The following NCR2 variants were observed in gnomAD, a reference collection of about 807,000 sequenced individuals.
The protein encoded by NCR2 is natural cytotoxicity triggering receptor 2.
A neutral mutation model predicts 30.7 loss-of-function variants in NCR2; 35 were observed. The observed-to-expected ratio is 1.14, with a 90% CI of 0.87 to 1.51. The LOEUF (loss-of-function observed/expected upper bound fraction) is 1.51. NCR2 is among the 40% of genes most tolerant of loss of function. The probability of loss-of-function intolerance (pLI) is 0.00; values close to 1 mark genes in which losing one functional copy is unlikely to be tolerated. For missense variants in NCR2, 316 were observed against 328.9 expected, an observed-to-expected ratio of 0.96 and a Z score of 0.30; for synonymous variants, 146 against 134.8, an observed-to-expected ratio of 1.08 and a Z score of -0.58.
intron 4 of NCR2, chr6:41,343,174 C>A: frequency 1.4e-6 from 1 of 699,454 alleles, no homozygotes; most frequent in Non-Finnish European, 2.4e-6. Context: ...AGGCCCTCTA[C>A]TTGCTCACCC....
chr6:41,350,641 C>A, intron 4 of NCR2, 37 bp from the exon 5 acceptor site: 1 of 1,588,662 alleles, frequency 6.3e-7, no homozygotes, highest in South Asian at 1.1e-5. Context: ...ATGTGGCAGT[C>A]TCTGACCACC....
At chr6:41,342,849 G>A in intron 4 of NCR2, 1 of 1,401,416 alleles carries the variant, frequency 7.1e-7, no homozygotes. Context: ...GGAGGGGCAG[G>A]CTTGGGGAAA....
intron 2 of NCR2, 80 bp from the exon 3 acceptor site, chr6:41,341,714 C>T (rs923494148): frequency 4.0e-5 from 60 of 1,506,676 alleles, no homozygotes; most frequent in Non-Finnish European, 5.0e-5. Context: ...TCTGGTCCAA[C>T]TCCCCCATCC....
At chr6:41,347,453 T>C (rs1769329229) in intron 4 of NCR2, among the ~76,000 whole-genome samples, 1 of 152,176 alleles carries the variant, frequency 6.6e-6, no homozygotes, top group Admixed American at 6.5e-5. Context: ...GCCACTCCAG[T>C]CAGGCCTTTG....
chr6:41,341,771 A>G (rs1243915584), intron 2 of NCR2, 23 bp from the exon 3 acceptor site: 1 of 1,598,564 alleles, frequency 6.3e-7, no homozygotes, highest in Admixed American at 1.7e-5. Context: ...CTCACTAACC[A>G]CGCTCTTTCT....
chr6:41,348,342 G>C (rs1467619092), intron 4 of NCR2, among the ~76,000 whole-genome samples: 3 of 152,060 alleles, frequency 2.0e-5, no homozygotes, highest in Admixed American at 2.0e-4. Context: ...ACAATTCTCA[G>C]TATGAAGACC....
intron 3 of NCR2, 53 bp from the exon 4 acceptor site, chr6:41,341,983 G>A: frequency 1.2e-6 from 2 of 1,612,094 alleles, no homozygotes; most frequent in South Asian, 1.1e-5. Context: ...CTGGCAGATG[G>A]AGACTTGCCT....
At position 41,336,312 on chromosome 6, in the gene NCR2, C is replaced by T. The variant is rs1489389819; in HGVS notation, c.278C>T (p.Thr93Ile). The T allele has an allele frequency of 2.5e-6, 4 of 1,614,044 alleles. No homozygotes were observed. In the African/African-American group the frequency reaches 5.3e-5, roughly 22 times the overall value. ...GACGACCCTGATGCTGGCTTCTTCA[C>T]TGTCACCATGACTGATCTGAGAGAG... The part of the protein sequence containing the change: ...IWDDPDAGFF[T>I]VTMTDLREED... The change falls in exon 2 of 5, where the codon ACT becomes ATT. Residue 93 changes from threonine to isoleucine, a missense_variant. Transcript: ENST00000373089.
chr6:41,348,715 C>A (rs1186474034), intron 4 of NCR2, among the ~76,000 whole-genome samples: 2 of 152,020 alleles, frequency 1.3e-5, no homozygotes, highest in Non-Finnish European at 2.9e-5. Context: ...AAGTGAGATC[C>A]CAGATTTTAT....
intron 1 of NCR2, 56 bp downstream of exon 1, chr6:41,335,984 A>G (rs1312931703): frequency 1.9e-6 from 3 of 1,580,572 alleles, no homozygotes; most frequent in Non-Finnish European, 2.6e-6. Flanking sequence ...GGGGACTGTC[A>G]GGACAGCAGG....
chr6:41,336,034 G>A lies in NCR2; in HGVS notation c.53-53G>A. On this transcript the variant is annotated intron_variant, in intron 1 of 4. Transcript: ENST00000373089. ...GGCTCTGTGGCCAGAGGCCTGCTGT[G>A]AGGCAGGTTGTGCGCGTGGCCTTGA... 2.5e-6 allele frequency: 4 copies of A among 1,590,102 alleles called. No individual in the cohort carries two copies. The South Asian group carries it at 4.6e-5, about 18-fold the overall frequency.
At chr6:41,347,104 A>G (rs1769318892) in intron 4 of NCR2, among the ~76,000 whole-genome samples, 1 of 152,200 alleles carries the variant, frequency 6.6e-6, no homozygotes, top group South Asian at 2.1e-4. Context: ...GGTCCCAGCT[A>G]CTTGGGAGGC....
At chr6:41,342,620 G>A (rs985051175) in intron 4 of NCR2, among the ~76,000 whole-genome samples, 4 of 151,912 alleles carry the variant, frequency 2.6e-5, no homozygotes, top group Non-Finnish European at 5.9e-5. Context: ...CAGCTGGAAA[G>A]TCCCTCCCAC....
At chr6:41,348,466 A>G (rs1581666549) in intron 4 of NCR2, among the ~76,000 whole-genome samples, 2 of 21,960 alleles carry the variant, frequency 9.1e-5, no homozygotes, top group East Asian at 0.017. Flanking sequence ...AGGGGGAGAC[A>G]AAAAAAAAAG....
At position 41,336,087 on chromosome 6, in the gene NCR2, G is replaced by A; in HGVS notation, c.53G>A (p.Gly18Asp). The change falls in exon 2 of 5, where the codon GGC (glycine) becomes GAC (aspartate). Residue 18 changes from glycine (G) to aspartate (D), a missense_variant and splice_region_variant. Physicochemically the swap from Gly to Asp is moderately conservative, Grantham distance 94. Transcript: ENST00000373089. ...PLLLLLLLFP[G>D]SQAQSKAQVL... ...TATGCGTTACTTCATCATTCTCCAG[G>A]CTCTCAGGCACAATCCAAGGCTCAG... 3 of 1,611,588 alleles carry A rather than the reference G, an allele frequency of 1.9e-6. No individual in the cohort carries two copies. The highest frequency in any genetic ancestry group is 3.3e-4 in the Middle Eastern group (2 of 6,052).
rs532338694 is a variant in NCR2 at position 41,342,299 on chromosome 6, C to T, written c.644+150C>T. The T allele has an allele frequency of 6.5e-6, 7 of 1,078,032 alleles. No homozygotes were observed. In the East Asian group the frequency reaches 1.8e-4, roughly 28 times the overall value. 66.8% of individuals were successfully genotyped at this position (1,078,032 alleles called of 1,614,324 possible). On this transcript the variant is annotated intron_variant, in intron 4 of 4. Transcript: ENST00000373089. ...AATTAAAGCCCTCATGGAGTCCATC[C>T]ATCTGACATGTCACACAGGCTCACC...
chr6:41,349,226 T>A (rs1051919715), intron 4 of NCR2, among the ~76,000 whole-genome samples: 7 of 150,204 alleles, frequency 4.7e-5, no homozygotes, highest in Non-Finnish European at 8.9e-5. Flanking sequence ...TATATATATA[T>A]TTCTTTGACC....
rs75889220 is a variant in NCR2, at chr6:41,348,158, T to C, written c.645-2520T>C. ...TGCCTGTATTTTAAAACCACCACAGTACTTGCTCTGGCCACAAATTATTTA... is the reference window on the plus strand; with the variant it reads ...TGCCTGTATTTTAAAACCACCACAGCACTTGCTCTGGCCACAAATTATTTA... On this transcript the variant is annotated intron_variant, in intron 4 of 4. Transcript: ENST00000373089. 4.0e-3 allele frequency among the ~76,000 whole-genome samples: 612 copies of C among 152,326 alleles called. 6 individuals carry two copies. Among genetic ancestry groups the C allele is most frequent in the African/African-American group, 0.014 (579 of 41,562 alleles).
intron 2 of NCR2, among the ~76,000 whole-genome samples, chr6:41,340,045 TA>T (rs1247533756): frequency 3.3e-5 from 5 of 152,258 alleles, no homozygotes; most frequent in African/African-American, 9.6e-5. Context: ...AAATTTTGTT[TA>T]AAAAAAGTTT....
Sources: allele counts gnomAD v4.1 joint callset (sites outside exome capture counted in the v4.1 genomes callset), GRCh38; gene constraint gnomAD v4.1.1; transcripts MANE v1.5; gene names NCBI Gene and HGNC (gene_info 2026-07-23, HGNC 2026-07-21).